Variants in PEX5 observed in about 807,000 individuals in gnomAD.
PEX5 encodes the protein PTS1 receptor.
PEX5 carries 52 observed loss-of-function variants against 82.9 expected under a neutral mutation model. The ratio of observed to expected loss-of-function variants is 0.63; its 90% CI spans 0.50 to 0.79. The LOEUF (loss-of-function observed/expected upper bound fraction) is 0.79. Among genes scored for constraint, PEX5 ranks in the 30% least tolerant of loss-of-function variants. The pLI is 0.00. For missense variants in PEX5, 719 were observed against 815.2 expected (o/e 0.88, Z 1.44); for synonymous variants, 300 against 318.8 (o/e 0.94, Z 0.63).
rs746347588 is a variant in PEX5 at position 7,190,320 on chromosome 12, C to G, written c.-16-42C>G. Reference sequence around the variant, plus strand: ...GCAGAGTTGTGGATGTGAGAAGGGTCTGGCTTGGGTACCTCAGTTCCAAAC... The same window carrying G: ...GCAGAGTTGTGGATGTGAGAAGGGTGTGGCTTGGGTACCTCAGTTCCAAAC... On this transcript the variant is annotated intron_variant, in intron 1 of 15. Coordinates refer to ENST00000675855, the MANE Select transcript of PEX5 (RefSeq NM_001351132.2). 1.9e-6 allele frequency: 3 copies of G among 1,608,700 alleles called. No homozygotes were observed. The East Asian group carries it at 6.7e-5, about 36-fold the overall frequency.
chr12:7,202,373 G>A (rs1445485737), intron 8 of PEX5, 22 bp downstream of exon 8: 1 of 1,613,846 alleles, frequency 6.2e-7, no homozygotes, highest in Non-Finnish European at 8.5e-7. Flanking sequence ...TCACTTTCCA[G>A]TCCCACTTCA....
chr12:7,215,102 G>C (rs182934343), downstream of PEX5, among the ~76,000 whole-genome samples: 1 of 152,214 alleles, frequency 6.6e-6, no homozygotes, highest in Admixed American at 6.5e-5. Context: ...CAAAGGACAT[G>C]AACAGACACT....
At chr12:7,190,190 C>A in intron 1 of PEX5, 172 bp from the exon 2 acceptor site, 2 of 1,534,924 alleles carry the variant, frequency 1.3e-6, no homozygotes, top group Non-Finnish European at 1.7e-6. Context: ...GGAGAGAGTA[C>A]CGACCTCCCT....
intron 5 of PEX5, among the ~76,000 whole-genome samples, chr12:7,194,709 C>A (rs779660701): frequency 6.6e-6 from 1 of 152,152 alleles, no homozygotes; most frequent in Non-Finnish European, 1.5e-5. Context: ...TAGACAGCTT[C>A]GGTTGACATG....
rs79634584 is a variant in PEX5 at position 7,207,522 on chromosome 12, T to C, written c.967-137T>C. 1,468 of 818,716 alleles carry C rather than the reference T, an allele frequency of 1.8e-3. 22 individuals are homozygous for C. In the East Asian group the frequency reaches 0.033, roughly 19 times the overall value. The allele number at this position is 818,716 out of a possible 1,614,324, so 50.7% of individuals were successfully genotyped here. On this transcript the variant is annotated intron_variant, in intron 10 of 15. Coordinates refer to ENST00000675855, the MANE Select transcript of PEX5 (RefSeq NM_001351132.2). Reference sequence around the variant, plus strand: ...TGTGTCATACATGATCTTTATAATATGGAGAATTTGCCAGCAATTAATTCC... The same window carrying C: ...TGTGTCATACATGATCTTTATAATACGGAGAATTTGCCAGCAATTAATTCC...
chr12:7,213,976 T>G (rs1396929355), downstream of PEX5, among the ~76,000 whole-genome samples: 1 of 118,246 alleles, frequency 8.5e-6, no homozygotes, highest in African/African-American at 2.5e-5. Context: ...GAAAAAATGC[T>G]CACCATCACT....
chr12:7,199,526 G>T (rs1943356994), intron 6 of PEX5, among the ~76,000 whole-genome samples: 1 of 151,386 alleles, frequency 6.6e-6, no homozygotes, highest in African/African-American at 2.4e-5. Flanking sequence ...TGGGGGTAAG[G>T]TCATAGATCA....
intron 17 of PEX5, among the ~76,000 whole-genome samples, chr12:7,217,913 C>G (rs994051180): frequency 6.6e-5 from 10 of 152,214 alleles, no homozygotes; most frequent in African/African-American, 2.4e-4. Flanking sequence ...CACAGTCAGT[C>G]CCTGGCTGTT....
downstream of PEX5, among the ~76,000 whole-genome samples, chr12:7,215,849 TAACA>T (rs1248271430): frequency 1.3e-5 from 2 of 152,138 alleles, no homozygotes; most frequent in Non-Finnish European, 2.9e-5. Context: ...TTTATCCATG[TAACA>T]AACCTGCATG....
chr12:7,208,011 C>T lies in PEX5; in HGVS notation c.1112C>T (p.Ala371Val). The change falls in exon 12 of 16, where the codon GCT (alanine) becomes GTT (valine). Residue 371 changes from alanine to valine, a missense_variant and splice_region_variant. Coordinates refer to ENST00000675855, the MANE Select transcript of PEX5 (RefSeq NM_001351132.2). ...TGGAATCTGTCAACTTCCCTCTAGG[C>T]TTGGCAGTATCTGGGTACCACCCAG... is the stretch of plus-strand genomic sequence containing the variant. ...AVQQDPKHME[A>V]WQYLGTTQAE... is the part of the protein sequence containing the mutation. The T allele has an allele frequency of 1.2e-6, 2 of 1,613,078 alleles. No homozygotes were observed. Among genetic ancestry groups the T allele is most frequent in the Non-Finnish European group, 1.7e-6 (2 of 1,179,054 alleles).
downstream of PEX5, among the ~76,000 whole-genome samples, chr12:7,214,630 T>TG (rs1430548133): frequency 6.7e-6 from 1 of 149,156 alleles, no homozygotes; most frequent in African/African-American, 2.5e-5. Context: ...GACGAGTTAA[T>TG]GGGTGCAGCA....
chr12:7,213,344 A>G (rs1945679432), downstream of PEX5, among the ~76,000 whole-genome samples: 1 of 151,956 alleles, frequency 6.6e-6, no homozygotes, highest in Admixed American at 6.5e-5. Flanking sequence ...ACAAGGCTAC[A>G]GTAACCAAAA....
At chr12:7,202,782 A>G in intron 9 of PEX5, 78 bp downstream of exon 9, 2 of 988,224 alleles carry the variant, frequency 2.0e-6, no homozygotes, top group Middle Eastern at 2.1e-4. Context: ...AACATCAAAG[A>G]TGATGCAAAT....
rs760996070 is a variant in PEX5 at position 7,191,217 on chromosome 12, T to G, written c.184-9T>G. ...CTATGGGTTCATTTCATCATTTCCC[T>G]TCTGGCAGTTGGTGGCTGAATTCCT... is the stretch of plus-strand genomic sequence containing the variant. On this transcript the variant is annotated splice_polypyrimidine_tract_variant and intron_variant, in intron 3 of 15. Coordinates refer to ENST00000675855, the MANE Select transcript of PEX5 (RefSeq NM_001351132.2). The G allele has an allele frequency of 3.1e-6, 5 of 1,614,098 alleles. No individual in the cohort carries two copies. The highest frequency in any genetic ancestry group is 4.2e-6 in the Non-Finnish European group (5 of 1,180,040).
chr12:7,209,041 AGCTGTGCG>A lies in PEX5; in HGVS notation c.1436_1443del (p.Val479GlyfsTer6). On this transcript the variant is annotated frameshift_variant, in exon 14 of 16. Transcript: ENST00000675855. LOFTEE classifies it high-confidence loss of function. ...TTGAAGTGAAAGAGCTCTTCCTGGC[AGCTGTGCG>A]GCTGGACCCTACCTCCATTGACCCT... The A allele has an allele frequency of 6.2e-7, 1 of 1,614,080 alleles. No individual in the cohort carries two copies. Among genetic ancestry groups the A allele is most frequent in the Non-Finnish European group, 8.5e-7 (1 of 1,180,000 alleles).
chr12:7,190,941 T>C lies in PEX5; in HGVS notation c.183+18T>C, dbSNP rs777811941. 1 of 1,609,582 alleles carries C rather than the reference T, an allele frequency of 6.2e-7. No homozygotes were observed. ...AAGATGAGGTAAATAGACCAGTCTC[T>C]TTTCTGTCCCATTTTTCTCTTGCCC... On this transcript the variant is annotated intron_variant, in intron 3 of 15. Transcript: ENST00000675855.
At chr12:7,203,220 A>AAG (rs1175896683) in intron 9 of PEX5, among the ~76,000 whole-genome samples, 8 of 15,476 alleles carry the variant, frequency 5.2e-4, no homozygotes, top group African/African-American at 9.9e-4. Context: ...ACTGCACTGC[A>AAG]CTACATTACA....
intron 14 of PEX5, among the ~76,000 whole-genome samples, 195 bp from the exon 15 acceptor site, chr12:7,209,488 G>C (rs1265333665): frequency 1.5e-5 from 1 of 64,572 alleles, no homozygotes; most frequent in Non-Finnish European, 3.4e-5. Flanking sequence ...ACATAAGAGA[G>C]TCTGCATAGG....
intron 6 of PEX5, among the ~76,000 whole-genome samples, chr12:7,199,680 C>T (rs906947697): frequency 1.3e-4 from 19 of 150,580 alleles, no homozygotes; most frequent in African/African-American, 3.1e-4. Flanking sequence ...TCCACAAAAC[C>T]GCCATTGTCA....
Sources: gnomAD v4.1 joint callset for allele counts (sites outside exome capture counted in the v4.1 genomes callset) on GRCh38, gnomAD v4.1.1 for gene constraint, MANE v1.5 for transcripts, NCBI Gene and HGNC (gene_info 2026-07-23, HGNC 2026-07-21) for gene names.